Variants in SRFBP1 observed in about 807,000 individuals in gnomAD.
SRFBP1 encodes serum response factor-binding protein 1.
Under a neutral mutation model 45.5 loss-of-function variants are expected in SRFBP1, and 47 were observed. The ratio of observed to expected loss-of-function variants is 1.03; its 90% CI spans 0.82 to 1.32. The LOEUF is 1.32. Ranked by LOEUF, SRFBP1 falls within the 40% of genes most tolerant of loss-of-function variation. The pLI is 0.00. For missense variants in SRFBP1, 621 were observed against 484.6 expected, an observed-to-expected ratio of 1.28 and a Z score of -2.64; for synonymous variants, 203 against 166.3, an observed-to-expected ratio of 1.22 and a Z score of -1.70.
downstream of SRFBP1, among the ~76,000 whole-genome samples, chr5:122,031,375 G>A (rs1753586264): frequency 6.6e-6 from 1 of 152,200 alleles, no homozygotes; most frequent in Admixed American, 6.5e-5. Flanking sequence ...AGCAAGAATG[G>A]TCCATGCACT....
At chr5:122,038,414 A>T (rs914667244) in intron 2 of SRFBP1, among the ~76,000 whole-genome samples, 1 of 152,246 alleles carries the variant, frequency 6.6e-6, no homozygotes, top group Non-Finnish European at 1.5e-5. Flanking sequence ...AAGGTGGGCC[A>T]CATGGTTCCT....
At position 121,986,047 on chromosome 5, in the gene SRFBP1, A is replaced by G. The variant is rs369991588; in HGVS notation, c.199-8552A>G. Among the ~76,000 whole-genome samples the G allele has an allele frequency of 1.1e-3, 173 of 152,098 alleles. 1 individual carries two copies. Among genetic ancestry groups the G allele is most frequent in the African/African-American group, 4.0e-3 (167 of 41,546 alleles). ...TAAAATAATGAAACTGGATGAAATC[A>G]GTGAGGTATTATTAGATAATAGTAA... On this transcript the variant is annotated intron_variant, in intron 3 of 7. Transcript: ENST00000339397.
At chr5:122,059,867 A>G (rs1269513442) in intron 2 of SRFBP1, among the ~76,000 whole-genome samples, 1 of 152,152 alleles carries the variant, frequency 6.6e-6, no homozygotes, top group Non-Finnish European at 1.5e-5. Context: ...AGAACAGGAT[A>G]GAGGGATGGT....
At chr5:122,043,282 T>A (rs540234677) in intron 2 of SRFBP1, among the ~76,000 whole-genome samples, 1 of 152,030 alleles carries the variant, frequency 6.6e-6, no homozygotes, top group African/African-American at 2.4e-5. Flanking sequence ...GTGGTGCGAT[T>A]TTGGCTCACT....
chr5:121,998,816 TAAG>T (rs1229263497), intron 4 of SRFBP1, among the ~76,000 whole-genome samples: 1 of 152,194 alleles, frequency 6.6e-6, no homozygotes, highest in Non-Finnish European at 1.5e-5. Flanking sequence ...ATTAGGTGAT[TAAG>T]AACACACCAG....
At chr5:121,971,870 C>T (rs879586368) in intron 1 of SRFBP1, among the ~76,000 whole-genome samples, 4 of 151,970 alleles carry the variant, frequency 2.6e-5, no homozygotes, top group African/African-American at 7.2e-5. Flanking sequence ...CATTGGATTT[C>T]AGGGGCTTTT....
In SRFBP1 at chr5:121,987,960, GAAGA is replaced by G. The variant is rs138186323; in HGVS notation, c.199-6634_199-6631del. 4.1e-3 allele frequency among the ~76,000 whole-genome samples: 617 copies of G among 152,268 alleles called. 14 individuals carry two copies. In the East Asian group the frequency reaches 0.052, roughly 13 times the overall value. On this transcript the variant is annotated intron_variant, in intron 3 of 7. Coordinates refer to ENST00000339397, the MANE Select transcript of SRFBP1 (RefSeq NM_152546.3). ...GTTGTTCAAACAAAGTCCCTGGAAAGAAGAAAGACAAGGTTGTAGCCAAATAACC... is the reference window on the plus strand; with the variant it reads ...GTTGTTCAAACAAAGTCCCTGGAAAGAAGACAAGGTTGTAGCCAAATAACC...
At chr5:122,041,547 T>G (rs556079086) in intron 2 of SRFBP1, among the ~76,000 whole-genome samples, 41 of 149,542 alleles carry the variant, frequency 2.7e-4, no homozygotes, top group Non-Finnish European at 5.1e-4. Flanking sequence ...AGCTTTAATT[T>G]TTTTTCAAAC....
chr5:122,046,587 G>C (rs1055412399), intron 2 of SRFBP1, among the ~76,000 whole-genome samples: 4 of 152,144 alleles, frequency 2.6e-5, no homozygotes, highest in African/African-American at 9.7e-5. Flanking sequence ...GGGTCAAATG[G>C]TATTTCTAGT....
At position 121,998,596 on chromosome 5, in the gene SRFBP1, C is replaced by T. The variant is rs144507329; in HGVS notation, c.270+3926C>T. ...CGAGTTAGTGGGTGCAGCGCACCAG[C>T]ATGGCACGTGTATACATATGTAAGT... is the stretch of plus-strand genomic sequence containing the variant. On this transcript the variant is annotated intron_variant, in intron 4 of 7. Coordinates refer to ENST00000339397, the MANE Select transcript of SRFBP1 (RefSeq NM_152546.3). 3.1e-3 allele frequency among the ~76,000 whole-genome samples: 461 copies of T among 147,130 alleles called. 2 individuals are homozygous for T. Among genetic ancestry groups the T allele is most frequent in the African/African-American group, 0.011 (447 of 39,300 alleles).
Position 121,962,625 on chromosome 5 carries a change from C to G in SRFBP1, c.36+557C>G, listed in dbSNP as rs143710989. ...ATAAAGAGCTGTTTATACTTGCTAT[C>G]CTCAATTCTTTTTTCTGCTTTTTCA... On this transcript the variant is annotated intron_variant, in intron 1 of 7. Coordinates refer to ENST00000339397, the MANE Select transcript of SRFBP1 (RefSeq NM_152546.3). Among the ~76,000 whole-genome samples the G allele has an allele frequency of 3.9e-5, 6 of 152,280 alleles. No individual in the cohort carries two copies. In the South Asian group the frequency reaches 6.2e-4, roughly 16 times the overall value.
intron 3 of SRFBP1, among the ~76,000 whole-genome samples, chr5:121,978,158 T>C (rs985948735): frequency 6.6e-6 from 1 of 152,194 alleles, no homozygotes; most frequent in African/African-American, 2.4e-5. Context: ...ATTTACTATG[T>C]GCCAGGCATT....
intron 4 of SRFBP1, among the ~76,000 whole-genome samples, chr5:122,016,555 A>C (rs191935063): frequency 6.6e-6 from 1 of 151,942 alleles, no homozygotes; most frequent in South Asian, 2.1e-4. Flanking sequence ...TAATGTGACT[A>C]TTTTCATATA....
Position 121,974,128 on chromosome 5 carries a change from C to T in SRFBP1, c.37-68C>T, listed in dbSNP as rs999167325. The stretch of plus-strand genomic sequence containing the variant: ...GTAGACTAAGTCTCAAATATTAAGA[C>T]TCAAAATAAAGTGTGTTTGTTCCTG... On this transcript the variant is annotated intron_variant, in intron 1 of 7. Coordinates refer to ENST00000339397, the MANE Select transcript of SRFBP1 (RefSeq NM_152546.3). 1.0e-5 allele frequency: 11 copies of T among 1,096,794 alleles called. No individual in the cohort carries two copies. In the African/African-American group the frequency reaches 1.6e-4, roughly 16 times the overall value. 67.9% of individuals were successfully genotyped at this position (1,096,794 alleles called of 1,614,324 possible). A position where few individuals can be genotyped will look rare whatever the true frequency, so the allele number is the denominator to read the frequency against.
intron 6 of SRFBP1, 71 bp downstream of exon 6, chr5:122,020,873 A>G (rs1224084414): frequency 1.5e-6 from 2 of 1,314,008 alleles, no homozygotes; most frequent in Admixed American, 3.1e-5. Context: ...CTACTTGTCC[A>G]TACATGAAGA....
intron 1 of SRFBP1, among the ~76,000 whole-genome samples, chr5:121,966,876 T>C (rs1464023079): frequency 1.3e-5 from 2 of 151,492 alleles, no homozygotes; most frequent in African/African-American, 4.8e-5. Flanking sequence ...ACCTCCTGGG[T>C]TCACGCCATT....
At chr5:122,040,544 T>C (rs1470907221) in intron 2 of SRFBP1, among the ~76,000 whole-genome samples, 1 of 152,196 alleles carries the variant, frequency 6.6e-6, no homozygotes, top group Non-Finnish European at 1.5e-5. Context: ...TTTCAACGAC[T>C]ACGGTATGAA....
intron 4 of SRFBP1, 31 bp from the exon 5 acceptor site, chr5:122,019,229 C>G: frequency 6.4e-7 from 1 of 1,555,658 alleles, no homozygotes; most frequent in Non-Finnish European, 8.8e-7. Context: ...TATTTCATTC[C>G]CATACGTTTA....
intron 3 of SRFBP1, 51 bp downstream of exon 3, chr5:121,975,438 A>T (rs1266508829): frequency 6.3e-7 from 1 of 1,598,678 alleles, no homozygotes; most frequent in South Asian, 1.1e-5. Flanking sequence ...GTATCCTGTT[A>T]TCCTGCATTT....
Sources: allele counts gnomAD v4.1 joint callset (sites outside exome capture counted in the v4.1 genomes callset), GRCh38; gene constraint gnomAD v4.1.1; transcripts MANE v1.5; gene names NCBI Gene and HGNC (gene_info 2026-07-23, HGNC 2026-07-21).